Variants in LUZP2 observed in about 807,000 individuals in gnomAD.
The protein encoded by LUZP2 is leucine zipper protein 2.
In LUZP2, 52 loss-of-function variants were observed where a neutral mutation model predicts 51.6. The ratio of observed to expected loss-of-function variants is 1.01; its 90% CI spans 0.81 to 1.27. The LOEUF is 1.27. LUZP2 is among the 50% of genes most tolerant of loss of function. LUZP2 has a pLI of 0.00. For missense variants in LUZP2, 436 were observed against 395.4 expected, an observed-to-expected ratio of 1.10 and a Z score of -0.87; for synonymous variants, 154 against 137.3, an observed-to-expected ratio of 1.12 and a Z score of -0.85.
intron 9 of LUZP2, among the ~76,000 whole-genome samples, chr11:25,006,973 G>C (rs1259683717): frequency 2.0e-5 from 3 of 152,110 alleles, no homozygotes; most frequent in Non-Finnish European, 4.4e-5. Flanking sequence ...CCTGCTGATT[G>C]GTCCATTTTA....
chr11:24,977,646 C>G (rs1334129571), intron 8 of LUZP2, among the ~76,000 whole-genome samples: 2 of 151,480 alleles, frequency 1.3e-5, no homozygotes, highest in African/African-American at 2.4e-5. Context: ...TGTAAACTTC[C>G]ATTACATATA....
At chr11:24,602,272 A>ATATGTGTATAGATG (rs1211280068) in intron 1 of LUZP2, among the ~76,000 whole-genome samples, 2 of 138,808 alleles carry the variant, frequency 1.4e-5, no homozygotes, top group Non-Finnish European at 3.0e-5. Flanking sequence ...ATATGTACAT[A>ATATGTGTATAGATG]CATATATACA....
At chr11:24,763,196 C>A in intron 4 of LUZP2, 50 bp from the exon 5 acceptor site, 1 of 791,432 alleles carries the variant, frequency 1.3e-6, no homozygotes, top group South Asian at 2.6e-5. Context: ...TAATGAAAGC[C>A]ATGGTAATGA....
At chr11:24,731,640 G>A (rs555022265) in intron 2 of LUZP2, among the ~76,000 whole-genome samples, 15 of 151,738 alleles carry the variant, frequency 9.9e-5, no homozygotes, top group African/African-American at 2.9e-4. Context: ...GTGTCTTAAT[G>A]TATTACTCAT....
chr11:24,635,419 A>AGT (rs1457113445), intron 1 of LUZP2, among the ~76,000 whole-genome samples: 4 of 20,872 alleles, frequency 1.9e-4, no homozygotes, highest in South Asian at 4.3e-3. Flanking sequence ...AAATCAGAAA[A>AGT]GAGTGTGTGT....
intron 7 of LUZP2, among the ~76,000 whole-genome samples, chr11:24,945,517 G>GTT (rs5790446): frequency 4.3e-5 from 6 of 140,560 alleles, no homozygotes; most frequent in Non-Finnish European, 6.2e-5. Flanking sequence ...AAATTTGCCT[G>GTT]TTTTTTTTTT....
At chr11:24,702,996 A>G (rs1181401986) in intron 1 of LUZP2, among the ~76,000 whole-genome samples, 1 of 152,214 alleles carries the variant, frequency 6.6e-6, no homozygotes, top group Non-Finnish European at 1.5e-5. Flanking sequence ...AAACTAAAAC[A>G]TGGAATCTGT....
intron 5 of LUZP2, among the ~76,000 whole-genome samples, chr11:24,831,574 T>G (rs1216049919): frequency 6.6e-6 from 1 of 152,158 alleles, no homozygotes; most frequent in East Asian, 1.9e-4. Context: ...TTCCAGAAAC[T>G]TACAAAGTTA....
chr11:24,669,322 A>G (rs1856323776), intron 1 of LUZP2, among the ~76,000 whole-genome samples: 2 of 152,176 alleles, frequency 1.3e-5, no homozygotes, highest in Admixed American at 1.3e-4. Context: ...AGTTGTATTC[A>G]GTGTTACTCA....
Position 24,799,527 on chromosome 11 carries a change from G to A in LUZP2, c.396+36219G>A, listed in dbSNP as rs923798449. On this transcript the variant is annotated intron_variant, in intron 5 of 11. Coordinates refer to ENST00000336930, the MANE Select transcript of LUZP2 (RefSeq NM_001009909.4). ...GGAGAATCGAACTTGGGAGGTGGAG[G>A]TTGTAGTGAGCCAAGACCACACCAT... 3.3e-5 allele frequency among the ~76,000 whole-genome samples: 5 copies of A among 151,382 alleles called. No individual in the cohort carries two copies. The South Asian group carries it at 1.0e-3, about 32-fold the overall frequency.
At chr11:24,786,414 T>C (rs1348945858) in intron 5 of LUZP2, 2 of 982,368 alleles carry the variant, frequency 2.0e-6, no homozygotes, top group African/African-American at 3.5e-5. Flanking sequence ...CCACTTAGTA[T>C]ACATATGCAA....
chr11:24,930,123 T>A, intron 7 of LUZP2, among the ~76,000 whole-genome samples: 1 of 152,164 alleles, frequency 6.6e-6, no homozygotes, highest in South Asian at 2.1e-4. Context: ...TTTGAGTCTT[T>A]TTGTGTTGGG....
At chr11:25,005,821 A>C (rs1455810686) in intron 9 of LUZP2, among the ~76,000 whole-genome samples, 1 of 152,062 alleles carries the variant, frequency 6.6e-6, no homozygotes, top group Non-Finnish European at 1.5e-5. Context: ...AAAGAAGACC[A>C]GGAAAAATCG....
At chr11:25,004,228 A>G (rs1207361694) in intron 9 of LUZP2, among the ~76,000 whole-genome samples, 1 of 152,194 alleles carries the variant, frequency 6.6e-6, no homozygotes, top group African/African-American at 2.4e-5. Flanking sequence ...TGATTGCCTC[A>G]GCATAGCGGA....
At chr11:25,020,124 T>G (rs563654461) in intron 9 of LUZP2, among the ~76,000 whole-genome samples, 1 of 152,076 alleles carries the variant, frequency 6.6e-6, no homozygotes, top group Admixed American at 6.6e-5. Context: ...TTTTAACATA[T>G]AAAAATGAGA....
chr11:24,869,111 G>A (rs1851980284), intron 5 of LUZP2, among the ~76,000 whole-genome samples: 1 of 152,104 alleles, frequency 6.6e-6, no homozygotes, highest in Non-Finnish European at 1.5e-5. Flanking sequence ...GAGCCAGTGG[G>A]ATGACTTGAG....
chr11:24,551,171 GATAAA>G (rs1430400160), intron 1 of LUZP2, among the ~76,000 whole-genome samples: 6 of 151,818 alleles, frequency 4.0e-5, no homozygotes, highest in African/African-American at 1.2e-4. Context: ...ATAACTTTTA[GATAAA>G]ATAAAAGTCA....
intron 5 of LUZP2, among the ~76,000 whole-genome samples, chr11:24,831,021 A>G (rs1439189103): frequency 1.3e-5 from 2 of 152,090 alleles, no homozygotes; most frequent in African/African-American, 2.4e-5. Context: ...AAATTAAAAT[A>G]AAATAAAAAG....
intron 5 of LUZP2, among the ~76,000 whole-genome samples, chr11:24,830,724 G>A (rs902349483): frequency 6.6e-6 from 1 of 152,018 alleles, no homozygotes; most frequent in Non-Finnish European, 1.5e-5. Flanking sequence ...GCCAGGTGCG[G>A]TGGCTCATGC....
Sources: allele counts gnomAD v4.1 joint callset (sites outside exome capture counted in the v4.1 genomes callset), GRCh38; gene constraint gnomAD v4.1.1; transcripts MANE v1.5; gene names NCBI Gene and HGNC (gene_info 2026-07-23, HGNC 2026-07-21).